SNX9: variants seen among roughly 807,000 people sequenced by gnomAD.
The protein encoded by SNX9 is sorting nexin 9.
SNX9 carries 44 observed loss-of-function variants against 89.4 expected under a neutral mutation model. That is an observed-to-expected ratio of 0.49 (90% CI 0.39 to 0.63). The LOEUF (loss-of-function observed/expected upper bound fraction) is 0.63, where lower values mean the gene tolerates loss of function less well. Among genes scored for constraint, SNX9 ranks in the 30% least tolerant of loss-of-function variants. The pLI, the probability that SNX9 is intolerant of heterozygous loss-of-function variation, is 0.00. For synonymous variants in SNX9, 236 were observed against 247.8 expected, an observed-to-expected ratio of 0.95 and a Z score of 0.45; for missense variants, 578 against 736.1, an observed-to-expected ratio of 0.79 and a Z score of 2.49.
chr6:157,914,469 C>CTTTTTTTTTTTTTTTTTTTTTTTTTT (rs34419515), intron 9 of SNX9, among the ~76,000 whole-genome samples: 5 of 75,130 alleles, frequency 6.7e-5, no homozygotes, highest in African/African-American at 2.3e-4. Context: ...TTTTCTTTTT[C>CTTTTTTTTTTTTTTTTTTTTTTTTTT]TTTTTTTTTT....
intron 5 of SNX9, 34 bp downstream of exon 5, chr6:157,897,032 G>T: frequency 1.7e-5 from 23 of 1,373,332 alleles, no homozygotes; most frequent in Non-Finnish European, 2.0e-5. Flanking sequence ...CACCCTGCCC[G>T]CCCATGGCTG....
rs555970522 is a variant in SNX9 at position 157,885,887 on chromosome 6, C to A, written c.300+10711C>A. The stretch of plus-strand genomic sequence containing the variant: ...TTAGGTGGCCCATAAGAGCTGCGAC[C>A]ACTCACAGTATGTTTTGAGCTTTCA... On this transcript the variant is annotated intron_variant, in intron 4 of 17. Coordinates refer to ENST00000392185, the MANE Select transcript of SNX9 (RefSeq NM_016224.5). Among the ~76,000 whole-genome samples the A allele has an allele frequency of 9.8e-5, 15 of 152,344 alleles. No individual in the cohort carries two copies. In the South Asian group the frequency reaches 2.9e-3, roughly 29 times the overall value.
chr6:157,853,930 T>C lies in SNX9; in HGVS notation c.13-13617T>C, dbSNP rs1455391294. Among the ~76,000 whole-genome samples, 13 of 152,360 alleles carry C rather than the reference T, an allele frequency of 8.5e-5. No individual in the cohort carries two copies. The East Asian group carries it at 2.5e-3, about 29-fold the overall frequency. On this transcript the variant is annotated intron_variant, in intron 1 of 17. Transcript: ENST00000392185. ...CACAGGCAGTTTGAGACCAAGACTT[T>C]AAGGAATTGGTCCAAGTTTTCAAGA...
At chr6:157,899,391 A>G (rs577452850) in intron 5 of SNX9, among the ~76,000 whole-genome samples, 35 of 152,214 alleles carry the variant, frequency 2.3e-4, no homozygotes, top group Non-Finnish European at 4.3e-4. Flanking sequence ...GACTAGATTT[A>G]TCAGTGTCTA....
chr6:157,932,374 C>A, intron 13 of SNX9, 102 bp downstream of exon 13: 2 of 1,048,836 alleles, frequency 1.9e-6, no homozygotes, highest in Middle Eastern at 2.5e-4. Flanking sequence ...AGTGAAGCAC[C>A]CTGGTTGTGG....
At chr6:157,896,718 A>C (rs1782984085) in intron 4 of SNX9, 109 bp from the exon 5 acceptor site, 1 of 1,208,796 alleles carries the variant, frequency 8.3e-7, no homozygotes, top group Admixed American at 2.2e-5. Flanking sequence ...CATTTCTATT[A>C]ATTGTTTTTA....
chr6:157,825,356 GTTATCTGTAC>G (rs1781323626), intron 1 of SNX9, among the ~76,000 whole-genome samples: 1 of 152,214 alleles, frequency 6.6e-6, no homozygotes, highest in Non-Finnish European at 1.5e-5. Context: ...ACTGAGGCAT[GTTATCTGTAC>G]TGTCCTTTAA....
chr6:157,878,470 C>T (rs1288855612), intron 4 of SNX9, among the ~76,000 whole-genome samples: 4 of 150,058 alleles, frequency 2.7e-5, no homozygotes, highest in Admixed American at 6.6e-5. Flanking sequence ...CGCTCAGTCG[C>T]TCAGGCTGGA....
chr6:157,849,394 G>A (rs544151028), intron 1 of SNX9, among the ~76,000 whole-genome samples: 1 of 152,248 alleles, frequency 6.6e-6, no homozygotes, highest in African/African-American at 2.4e-5. Context: ...AGCACCTACT[G>A]TGTTCCAGGC....
At chr6:157,922,504 A>G (rs1783603468) in intron 10 of SNX9, among the ~76,000 whole-genome samples, 1 of 152,234 alleles carries the variant, frequency 6.6e-6, no homozygotes, top group African/African-American at 2.4e-5. Context: ...TGGAACTTCG[A>G]GAGGTTTACT....
intron 1 of SNX9, among the ~76,000 whole-genome samples, chr6:157,852,548 T>C (rs1037536306): frequency 2.6e-5 from 4 of 151,952 alleles, no homozygotes; most frequent in African/African-American, 9.7e-5. Flanking sequence ...ACAGTAGACC[T>C]CTATTTCCCT....
At chr6:157,936,065 A>G (rs1202982705) in intron 14 of SNX9, 25 bp downstream of exon 14, 1 of 1,584,396 alleles carries the variant, frequency 6.3e-7, no homozygotes, top group Admixed American at 1.7e-5. Flanking sequence ...ACACAATTCC[A>G]ATTAAGATTT....
intron 10 of SNX9, among the ~76,000 whole-genome samples, chr6:157,923,914 T>A (rs909401385): frequency 6.6e-6 from 1 of 152,214 alleles, no homozygotes; most frequent in Non-Finnish European, 1.5e-5. Context: ...CAGTTGATTT[T>A]ATTAAGGTTG....
intron 7 of SNX9, among the ~76,000 whole-genome samples, chr6:157,907,922 A>G (rs949685414): frequency 2.0e-5 from 3 of 152,226 alleles, no homozygotes; most frequent in Admixed American, 2.0e-4. Flanking sequence ...TCTCCTCTGC[A>G]GCTTTCAGCT....
chr6:157,875,558 G>A (rs962614146), intron 4 of SNX9, among the ~76,000 whole-genome samples: 3 of 152,220 alleles, frequency 2.0e-5, no homozygotes, highest in Admixed American at 6.5e-5. Flanking sequence ...GGAAATAGAT[G>A]CCCTGGCCCT....
intron 14 of SNX9, 95 bp from the exon 15 acceptor site, chr6:157,937,339 C>T (rs45546633): frequency 0.012 from 9,712 of 800,392 alleles, 190 homozygotes; most frequent in African/African-American, 0.068. Context: ...TAGTGTAGCA[C>T]ATGCAGGATT....
intron 9 of SNX9, among the ~76,000 whole-genome samples, chr6:157,916,994 A>G (rs1783486280): frequency 6.6e-6 from 1 of 152,168 alleles, no homozygotes. Flanking sequence ...CTGTTCTATA[A>G]GTGTTTGATA....
In SNX9 at chr6:157,896,917, G is replaced by A. The variant is rs1782988969; in HGVS notation, c.391G>A (p.Gly131Arg). 2.5e-6 allele frequency: 4 copies of A among 1,613,334 alleles called. No individual in the cohort carries two copies. The South Asian group carries it at 3.3e-5, about 13-fold the overall frequency. ...AGAAGGCTGGGGGGCCCAGCCAGAGGGGGCTGGAGCCCAAAGAAACACAAA... is the reference window on the plus strand; with the variant it reads ...AGAAGGCTGGGGGGCCCAGCCAGAGAGGGCTGGAGCCCAAAGAAACACAAA... ...SSEGWGAQPE[G>R]AGAQRNTNTP... The change falls in exon 5 of 18, where the codon GGG becomes AGG. Residue 131 changes from glycine to arginine, a missense_variant. Around this residue, in one of 2 missense-constraint regions of SNX9, gnomAD observed 230 missense variants for 244.7 expected, o/e 0.94. Coordinates refer to ENST00000392185, the MANE Select transcript of SNX9 (RefSeq NM_016224.5).
intron 1 of SNX9, among the ~76,000 whole-genome samples, chr6:157,846,806 G>A (rs1052324487): frequency 6.6e-6 from 1 of 152,122 alleles, no homozygotes; most frequent in Non-Finnish European, 1.5e-5. Flanking sequence ...CAGCACTTTG[G>A]GAGGCCAAGG....
Sources: allele counts gnomAD v4.1 joint callset (sites outside exome capture counted in the v4.1 genomes callset), GRCh38; gene constraint gnomAD v4.1.1; regional missense constraint gnomAD v4.1.1; transcripts MANE v1.5; gene names NCBI Gene and HGNC (gene_info 2026-07-23, HGNC 2026-07-21).